SPIRE2: variants seen among roughly 807,000 people sequenced by gnomAD.
The protein encoded by SPIRE2 is protein spire homolog 2.
In SPIRE2, 76 loss-of-function variants were observed where a neutral mutation model predicts 80.7. The ratio of observed to expected loss-of-function variants is 0.94; its 90% CI spans 0.78 to 1.14. The LOEUF is 1.14. Ranked by LOEUF, SPIRE2 falls within the 50% of genes most tolerant of loss-of-function variation. SPIRE2 has a pLI of 0.00. For missense variants in SPIRE2, 1,196 were observed against 1,015.3 expected (o/e 1.18, Z -2.42); for synonymous variants, 535 against 432.6 (o/e 1.24, Z -2.94).
intron 2 of SPIRE2, among the ~76,000 whole-genome samples, chr16:89,849,708 C>A (rs1042454090): frequency 1.3e-5 from 2 of 152,188 alleles, no homozygotes; most frequent in African/African-American, 2.4e-5. Context: ...CCCCATATCA[C>A]TCCACAGAAC....
At chr16:89,852,853 C>T (rs1473329502) in intron 3 of SPIRE2, among the ~76,000 whole-genome samples, 2 of 34,016 alleles carry the variant, frequency 5.9e-5, no homozygotes, top group Admixed American at 3.2e-4. Flanking sequence ...TCTCACCCCC[C>T]GCATCCCATG....
chr16:89,845,803 C>T (rs2041553687), intron 2 of SPIRE2: 1 of 585,292 alleles, frequency 1.7e-6, no homozygotes, highest in African/African-American at 1.9e-5. Context: ...CTCTCCCATT[C>T]ACCTGCCCTG....
rs1301295868 is a variant in SPIRE2, at chr16:89,850,289, G to A, written c.289-15G>A. On this transcript the variant is annotated splice_polypyrimidine_tract_variant and intron_variant, in intron 2 of 14. Coordinates refer to ENST00000378247, the MANE Select transcript of SPIRE2 (RefSeq NM_032451.2). Reference sequence around the variant, plus strand: ...CCCTGCAGTACCGCCCAGTGACCGCGCCCCTGTCCCGCAGACCGTGCAGTC... The same window carrying A: ...CCCTGCAGTACCGCCCAGTGACCGCACCCCTGTCCCGCAGACCGTGCAGTC... 1 of 1,598,618 alleles carries A rather than the reference G, an allele frequency of 6.3e-7. No individual in the cohort carries two copies. Among genetic ancestry groups the A allele is most frequent in the East Asian group, 2.3e-5 (1 of 44,382 alleles).
chr16:89,849,692 C>T (rs907808372), intron 2 of SPIRE2, among the ~76,000 whole-genome samples: 3 of 152,062 alleles, frequency 2.0e-5, no homozygotes, highest in Non-Finnish European at 2.9e-5. Context: ...GTGGGCAGGT[C>T]GGCACCCCCA....
rs2041347549 is a variant in SPIRE2 at position 89,828,560 on chromosome 16, G to A, written c.10G>A (p.Ala4Thr). MAR[A>T]GSCGGAAAGA... is the part of the protein sequence containing the mutation. ...CGATGACGGCCCCGCCATGGCCCGG[G>A]CGGGCAGCTGCGGCGGCGCCGCGGC... Residue 4 changes from alanine (A) to threonine (T), a missense_variant, in exon 1 of 15, where the codon GCG (alanine) becomes ACG (threonine). Physicochemically the swap from Ala to Thr is moderately conservative, Grantham distance 58. Coordinates refer to ENST00000378247, the MANE Select transcript of SPIRE2 (RefSeq NM_032451.2). This position sits in a 1 kb window ranked among gnomAD's most constrained non-coding sequence, Gnocchi z 5.9. 8.8e-7 allele frequency: 1 copy of A among 1,134,044 alleles called. No individual in the cohort carries two copies. The highest frequency in any genetic ancestry group is 1.1e-6 in the Non-Finnish European group (1 of 929,564). 70.2% of individuals were successfully genotyped at this position (1,134,044 alleles called of 1,614,324 possible). A position where few individuals can be genotyped will look rare whatever the true frequency, so the allele number is the denominator to read the frequency against.
At chr16:89,839,169 A>G (rs58887174) in intron 1 of SPIRE2, among the ~76,000 whole-genome samples, 5 of 152,030 alleles carry the variant, frequency 3.3e-5, no homozygotes, top group African/African-American at 4.8e-5. Context: ...GTGAAACCCC[A>G]TCTCTAAAAA....
intron 9 of SPIRE2, among the ~76,000 whole-genome samples, chr16:89,859,638 A>C (rs550785225): frequency 6.6e-6 from 1 of 152,346 alleles, no homozygotes; most frequent in East Asian, 1.9e-4. Context: ...ATATAGAAAG[A>C]TAGCTAACTA....
intron 1 of SPIRE2, among the ~76,000 whole-genome samples, chr16:89,840,310 C>T (rs1039793351): frequency 3.5e-5 from 5 of 141,862 alleles, no homozygotes; most frequent in Admixed American, 7.5e-5. Context: ...AGTGCAGTGG[C>T]GCGATCTCGG....
At chr16:89,833,921 C>T (rs1462250019) in intron 1 of SPIRE2, among the ~76,000 whole-genome samples, 1 of 152,082 alleles carries the variant, frequency 6.6e-6, no homozygotes, top group Non-Finnish European at 1.5e-5. Flanking sequence ...AGGCTGGCCG[C>T]TGTGTGTGGG....
chr16:89,831,737 GCTAGGATGCCC>G (rs2041385342), intron 1 of SPIRE2, among the ~76,000 whole-genome samples: 1 of 151,046 alleles, frequency 6.6e-6, no homozygotes, highest in Non-Finnish European at 1.5e-5. Context: ...CGCTCTTTAC[GCTAGGATGCCC>G]CACGTTGCTG....
chr16:89,865,130 C>G (rs571922900), intron 12 of SPIRE2, among the ~76,000 whole-genome samples: 61 of 151,822 alleles, frequency 4.0e-4, no homozygotes, highest in African/African-American at 1.4e-3. Context: ...CCTCAGCTTC[C>G]CGAGTAGCTG....
chr16:89,848,441 C>G (rs549783153), intron 2 of SPIRE2, among the ~76,000 whole-genome samples: 1 of 151,312 alleles, frequency 6.6e-6, no homozygotes, highest in Admixed American at 6.6e-5. Context: ...CCTTCTGTGG[C>G]GTTTCTGCAG....
intron 1 of SPIRE2, among the ~76,000 whole-genome samples, chr16:89,837,333 G>C (rs890922441): frequency 6.6e-6 from 1 of 152,172 alleles, no homozygotes; most frequent in Non-Finnish European, 1.5e-5. Flanking sequence ...GTCAGCCCTG[G>C]AGCCAAGGCT....
chr16:89,859,132 G>A, intron 8 of SPIRE2, 33 bp from the exon 9 acceptor site: 2 of 1,502,388 alleles, frequency 1.3e-6, no homozygotes, highest in Non-Finnish European at 1.8e-6. Context: ...GGCGGGCATT[G>A]TCAGGGCAGG....
In SPIRE2 at chr16:89,856,246, G is replaced by T; in HGVS notation, c.1102+10G>T. 1 of 1,560,900 alleles carries T rather than the reference G, an allele frequency of 6.4e-7. No homozygotes were observed. Among genetic ancestry groups the T allele is most frequent in the East Asian group, 2.4e-5 (1 of 42,488 alleles). Reference sequence around the variant, plus strand: ...GGCTGGGCTGCCCGCGGTGAGTGAGGGGATGGCAGGAGAAGAGAGCCCTGA... The same window carrying T: ...GGCTGGGCTGCCCGCGGTGAGTGAGTGGATGGCAGGAGAAGAGAGCCCTGA... On this transcript the variant is annotated intron_variant, in intron 7 of 14. Transcript: ENST00000378247.
At chr16:89,835,408 C>T (rs1011759246) in intron 1 of SPIRE2, among the ~76,000 whole-genome samples, 2 of 152,038 alleles carry the variant, frequency 1.3e-5, no homozygotes, top group East Asian at 1.9e-4. Flanking sequence ...CCTCCTACAC[C>T]GACTCACCAC....
rs137993394 is a variant in SPIRE2 at position 89,856,441 on chromosome 16, T to TTA, written c.1102+219_1102+220dup. ...ATAAAAAATTTAAATTAAATTAAAA[T>TTA]TATATATATATATATTTGTTTGAGA... On this transcript the variant is annotated intron_variant, in intron 7 of 14. Transcript: ENST00000378247. Among the ~76,000 whole-genome samples, 75 of 150,602 alleles carry TTA rather than the reference T, an allele frequency of 5.0e-4. No individual in the cohort carries two copies. In the Middle Eastern group the frequency reaches 0.014, roughly 27 times the overall value.
In SPIRE2 at chr16:89,828,939, C is replaced by G; in HGVS notation, c.244+145C>G. The G allele has an allele frequency of 2.0e-6, 1 of 505,072 alleles. No individual in the cohort carries two copies. The highest frequency in any genetic ancestry group is 2.9e-6 in the Non-Finnish European group (1 of 349,596). The allele number at this position is 505,072 out of a possible 1,614,324, so 31.3% of individuals were successfully genotyped here. ...CTCTGCGGGACCCGGAGCTCCCTCC[C>G]TCCCACTCTCCGTCCCTCTTTCCCT... On this transcript the variant is annotated intron_variant, in intron 1 of 14. Transcript: ENST00000378247. This position sits in a 1 kb window ranked among gnomAD's most constrained non-coding sequence, Gnocchi z 5.9.
rs1342985542 is a variant in SPIRE2 at position 89,854,521 on chromosome 16, G to A, written c.761G>A (p.Arg254His). The change falls in exon 5 of 15, where the codon CGC becomes CAC. Residue 254 changes from arginine (R) to histidine (H), a missense_variant. Physicochemically the swap from Arg to His is conservative, Grantham distance 29. Transcript: ENST00000378247. ...TGGGTTCAGCTCATGCGGGAGCTCCGCCGCGGAGTGAAGCTGAAGAAGGTG... is the reference window on the plus strand; with the variant it reads ...TGGGTTCAGCTCATGCGGGAGCTCCACCGCGGAGTGAAGCTGAAGAAGGTG... Reference protein sequence around the residue: ...RLWVQLMRELRRGVKLKKVQE... With the variant: ...RLWVQLMRELHRGVKLKKVQE... 1.2e-5 allele frequency: 19 copies of A among 1,612,670 alleles called. No homozygotes were observed. The highest frequency in any genetic ancestry group is 2.2e-5 in the East Asian group (1 of 44,878).
Sources: gnomAD v4.1 joint callset for allele counts (sites outside exome capture counted in the v4.1 genomes callset) on GRCh38, gnomAD v4.1.1 for gene constraint, Gnocchi (gnomAD v3.1) non-coding constraint, MANE v1.5 for transcripts, NCBI Gene and HGNC (gene_info 2026-07-23, HGNC 2026-07-21) for gene names.